Variants in PTCD3 observed in about 807,000 individuals in gnomAD.
PTCD3 encodes the protein pentatricopeptide repeat domain 3, also known as small ribosomal subunit protein mS39.
In PTCD3, 89 loss-of-function variants were observed where a neutral mutation model predicts 101.9. The observed-to-expected ratio is 0.87, with a 90% CI of 0.74 to 1.04. PTCD3 has a LOEUF of 1.04. PTCD3 is among the 50% of genes least tolerant of loss of function. The pLI is 0.00. For synonymous variants in PTCD3, 296 were observed against 278.5 expected (o/e 1.06, Z -0.63); for missense variants, 870 against 828.2 (o/e 1.05, Z -0.62).
chr2:86,130,130 C>T (rs927019673), intron 14 of PTCD3, among the ~76,000 whole-genome samples: 3 of 152,140 alleles, frequency 2.0e-5, no homozygotes, highest in Middle Eastern at 3.4e-3. Flanking sequence ...GGAAACCCCT[C>T]CTCTACTAAA....
chr2:86,137,661 GAT>G lies in PTCD3; in HGVS notation c.*104_*105del, dbSNP rs1250875023. The G allele has an allele frequency of 1.3e-6, 2 of 1,525,930 alleles. No homozygotes were observed. The highest frequency in any genetic ancestry group is 2.8e-5 in the African/African-American group (2 of 72,530). The allele number at this position is 1,525,930 out of a possible 1,614,324, so 94.5% of individuals were successfully genotyped here. On this transcript the variant is annotated 3_prime_UTR_variant, in exon 24 of 24. Transcript: ENST00000254630. ...TTTAACATTGTTACAAAGAAGAAAAGATACAGATTTGGTGAATTTGTTACTGT... is the reference window on the plus strand; with the variant it reads ...TTTAACATTGTTACAAAGAAGAAAAGACAGATTTGGTGAATTTGTTACTGT...
intron 1 of PTCD3, among the ~76,000 whole-genome samples, chr2:86,108,126 TA>T (rs368815233): frequency 0.013 from 1,498 of 118,922 alleles, 8 homozygotes; most frequent in Admixed American, 0.011. Context: ...ACCCTGTCTC[TA>T]AAAAAAAAAA....
rs1362032655 is a variant in PTCD3 at position 86,140,807 on chromosome 2, AGT to A, written c.*3250_*3251del. ...AAAAAATGCTGTCCAGGCCAGGCAC[AGT>A]GGCTCACACCTGTAATCCCAGGACT... On this transcript the variant is annotated 3_prime_UTR_variant, in exon 24 of 24. Transcript: ENST00000254630. 6.6e-6 allele frequency: 1 copy of A among 151,112 alleles called. No individual in the cohort carries two copies. The highest frequency in any genetic ancestry group is 2.0e-4 in the East Asian group (1 of 5,096). 9.4% of individuals were successfully genotyped at this position (151,112 alleles called of 1,614,324 possible). A position where few individuals can be genotyped will look rare whatever the true frequency, so the allele number is the denominator to read the frequency against.
intron 17 of PTCD3, 134 bp downstream of exon 17, chr2:86,132,558 C>A: frequency 1.8e-6 from 1 of 555,022 alleles, no homozygotes. Flanking sequence ...GTTAATTGAG[C>A]ACTTAGGAAT....
At position 86,132,374 on chromosome 2, in the gene PTCD3, C is replaced by G; in HGVS notation, c.1323C>G (p.Thr441=). 6.2e-7 allele frequency: 1 copy of G among 1,609,712 alleles called. No homozygotes were observed. The highest frequency in any genetic ancestry group is 8.5e-7 in the Non-Finnish European group (1 of 1,176,258). The change falls in exon 17 of 24, where the codon ACC becomes ACG. Residue 441 remains threonine (T), a synonymous_variant. Coordinates refer to ENST00000254630, the MANE Select transcript of PTCD3 (RefSeq NM_017952.6). ...LAYQVHGLLK[T]GDNWKFIGPD... ...ACCAAGTACATGGCCTTTTAAAAAC[C>G]GGAGACAACTGGAAATTCATTGGAC...
intron 13 of PTCD3, chr2:86,127,687 T>G: frequency 1.4e-5 from 7 of 504,986 alleles, no homozygotes; most frequent in Non-Finnish European, 2.4e-5. Flanking sequence ...TTCACTTCAA[T>G]ATATTTTACT....
intron 16 of PTCD3, among the ~76,000 whole-genome samples, chr2:86,131,546 C>T (rs899571400): frequency 1.3e-5 from 2 of 152,176 alleles, no homozygotes; most frequent in South Asian, 4.1e-4. Flanking sequence ...CACATACTAT[C>T]CCTACCCTTT....
intron 12 of PTCD3, 120 bp from the exon 13 acceptor site, chr2:86,127,041 T>C: frequency 1.2e-6 from 1 of 820,522 alleles, no homozygotes; most frequent in Middle Eastern, 3.9e-4. Flanking sequence ...AAGAGGGATA[T>C]AGTTACTAAC....
rs752431702 is a variant in PTCD3, at chr2:86,133,453, A to G, written c.1543+17A>G. Reference sequence around the variant, plus strand: ...TTTGGAAAGGTCAGTTTTACTTTTTATGTGTCCAGGTGCATCTCACCTCAA... The same window carrying G: ...TTTGGAAAGGTCAGTTTTACTTTTTGTGTGTCCAGGTGCATCTCACCTCAA... On this transcript the variant is annotated intron_variant, in intron 19 of 23. Transcript: ENST00000254630. 6.3e-7 allele frequency: 1 copy of G among 1,583,116 alleles called. No individual in the cohort carries two copies. The highest frequency in any genetic ancestry group is 8.7e-7 in the Non-Finnish European group (1 of 1,152,054).
intron 7 of PTCD3, chr2:86,119,410 G>A (rs1275229976): frequency 5.3e-6 from 1 of 188,848 alleles, no homozygotes; most frequent in African/African-American, 2.4e-5. Context: ...AGGCTGGAGT[G>A]CAGTGGCGCA....
chr2:86,122,157 A>G (rs1674295570), intron 8 of PTCD3, among the ~76,000 whole-genome samples: 2 of 152,208 alleles, frequency 1.3e-5, no homozygotes, highest in Admixed American at 6.5e-5. Context: ...AACAATCTAG[A>G]TGTCCAACAG....
At chr2:86,137,412 A>G in intron 23 of PTCD3, 57 bp from the exon 24 acceptor site, 1 of 1,607,584 alleles carries the variant, frequency 6.2e-7, no homozygotes, top group Non-Finnish European at 8.5e-7. Flanking sequence ...AGAGACACCG[A>G]GAACCCCAGC....
At chr2:86,113,880 G>A (rs1674132491) in intron 4 of PTCD3, among the ~76,000 whole-genome samples, 1 of 152,116 alleles carries the variant, frequency 6.6e-6, no homozygotes, top group South Asian at 2.1e-4. Flanking sequence ...GTGCACTGGT[G>A]TACTCTACCA....
chr2:86,116,504 G>T, intron 4 of PTCD3, 26 bp from the exon 5 acceptor site: 1 of 1,564,982 alleles, frequency 6.4e-7, no homozygotes. Flanking sequence ...AATAAATATA[G>T]AAATTGTATT....
Position 86,121,218 on chromosome 2 carries a change from C to G in PTCD3, c.539-261C>G, listed in dbSNP as rs1674273586. Reference sequence around the variant, plus strand: ...TGAAGTAGTTTGAGGATAATGAGTACATAAAATAAGTGAGCACAGGCCCAA... The same window carrying G: ...TGAAGTAGTTTGAGGATAATGAGTAGATAAAATAAGTGAGCACAGGCCCAA... On this transcript the variant is annotated intron_variant, in intron 7 of 23. Coordinates refer to ENST00000254630, the MANE Select transcript of PTCD3 (RefSeq NM_017952.6). 2.0e-5 allele frequency among the ~76,000 whole-genome samples: 3 copies of G among 152,244 alleles called. No individual in the cohort carries two copies. In the South Asian group the frequency reaches 6.2e-4, roughly 32 times the overall value.
rs777263353 is a variant in PTCD3 at position 86,106,284 on chromosome 2, C to T, written c.37C>T (p.Arg13Cys). The change falls in exon 1 of 24, where the codon CGC becomes TGC. Residue 13 changes from arginine (R) to cysteine (C), a missense_variant. Physicochemically the swap from Arg to Cys is radical, Grantham distance 180. Coordinates refer to ENST00000254630, the MANE Select transcript of PTCD3 (RefSeq NM_017952.6). ...ATCTGCTGTTCGCTGGCTGGGCCTC[C>T]GCAGCAGGCTTGGCCAGCCGCTGAC... Reference protein sequence around the residue: ...VVSAVRWLGLRSRLGQPLTGR... With the variant: ...VVSAVRWLGLCSRLGQPLTGR... 9.3e-6 allele frequency: 15 copies of T among 1,613,582 alleles called. No homozygotes were observed. Among genetic ancestry groups the T allele is most frequent in the Admixed American group, 8.3e-5 (5 of 60,000 alleles).
At chr2:86,108,673 G>T in intron 3 of PTCD3, 137 bp downstream of exon 3, 2 of 848,532 alleles carry the variant, frequency 2.4e-6, no homozygotes, top group Non-Finnish European at 3.5e-6. Flanking sequence ...GCGGGGAGAA[G>T]CTAGGAGTTT....
At chr2:86,106,873 CTG>C (rs965332786) in intron 1 of PTCD3, among the ~76,000 whole-genome samples, 4 of 152,114 alleles carry the variant, frequency 2.6e-5, no homozygotes, top group African/African-American at 2.4e-5. Context: ...TATGACCTAT[CTG>C]TGTAATTTTT....
At chr2:86,107,019 C>T (rs1202533155) in intron 1 of PTCD3, 10 of 423,044 alleles carry the variant, frequency 2.4e-5, no homozygotes, top group African/African-American at 1.5e-4. Flanking sequence ...CAGATTTCCT[C>T]ATCTGCAGAC....
Sources: gnomAD v4.1 joint callset for allele counts (sites outside exome capture counted in the v4.1 genomes callset) on GRCh38, gnomAD v4.1.1 for gene constraint, MANE v1.5 for transcripts, NCBI Gene and HGNC (gene_info 2026-07-23, HGNC 2026-07-21) for gene names.